Variants in UNC13C observed in about 807,000 individuals in gnomAD.
UNC13C encodes the protein protein unc-13 homolog C.
A neutral mutation model predicts 245.4 loss-of-function variants in UNC13C; 174 were observed. That is an observed-to-expected ratio of 0.71 (90% CI 0.63 to 0.80). The LOEUF (loss-of-function observed/expected upper bound fraction) is 0.80, where lower values mean the gene tolerates loss of function less well. Ranked by LOEUF, UNC13C falls within the 30% of genes least tolerant of loss-of-function variation. The pLI is 0.00. For missense variants in UNC13C, 2,829 were observed against 2,602.9 expected, an observed-to-expected ratio of 1.09 and a Z score of -1.89; for synonymous variants, 992 against 895.1, an observed-to-expected ratio of 1.11 and a Z score of -1.93.
At chr15:54,320,162 G>A (rs772803772) in intron 13 of UNC13C, among the ~76,000 whole-genome samples, 2 of 151,880 alleles carry the variant, frequency 1.3e-5, no homozygotes, top group Non-Finnish European at 2.9e-5. Flanking sequence ...TTGAGAGGAG[G>A]GTGTCTTGCT....
intron 4 of UNC13C, among the ~76,000 whole-genome samples, chr15:54,210,301 T>G (rs4640123): frequency 0.57 from 84,899 of 149,888 alleles, 24,183 homozygotes; most frequent in Middle Eastern, 0.62. Context: ...TTATTTAGAG[T>G]TATTTCTATA....
At chr15:54,024,966 C>T (rs1896050263) in intron 2 of UNC13C, among the ~76,000 whole-genome samples, 1 of 152,094 alleles carries the variant, frequency 6.6e-6, no homozygotes, top group East Asian at 1.9e-4. Flanking sequence ...TTTTGCTAAC[C>T]ACTTCATTCA....
At chr15:54,266,745 A>T (rs1285510387) in intron 10 of UNC13C, among the ~76,000 whole-genome samples, 2 of 152,068 alleles carry the variant, frequency 1.3e-5, no homozygotes, top group Non-Finnish European at 2.9e-5. Flanking sequence ...AGACAAGATA[A>T]TGAACATATC....
Position 54,186,179 on chromosome 15 carries a change from A to G in UNC13C, c.3071+42495A>G, listed in dbSNP as rs183104345. On this transcript the variant is annotated intron_variant, in intron 4 of 32. Transcript: ENST00000260323. Reference sequence around the variant, plus strand: ...CTTAAGGAGATTTTGGGCTGAGACAATGGGGTTTTCTAGATATACAATCAT... The same window carrying G: ...CTTAAGGAGATTTTGGGCTGAGACAGTGGGGTTTTCTAGATATACAATCAT... Among the ~76,000 whole-genome samples the G allele has an allele frequency of 2.2e-4, 33 of 152,188 alleles. 2 individuals are homozygous for G. In the East Asian group the frequency reaches 6.2e-3, roughly 29 times the overall value.
the UNC13C span, among the ~76,000 whole-genome samples, chr15:53,919,491 G>T: frequency 6.6e-6 from 1 of 152,290 alleles, no homozygotes; most frequent in Non-Finnish European, 1.5e-5. Flanking sequence ...AATTCTTGGA[G>T]CTGCTCAGGT....
chr15:54,526,319 T>A (rs1266512717), intron 25 of UNC13C, among the ~76,000 whole-genome samples: 1 of 152,222 alleles, frequency 6.6e-6, no homozygotes, highest in Admixed American at 6.5e-5. Flanking sequence ...TTAAAATAGC[T>A]AGGAAAGAAA....
chr15:54,048,848 G>A (rs28406895), intron 2 of UNC13C: 3,703 of 249,172 alleles, frequency 0.015, 74 homozygotes, highest in African/African-American at 0.059. Context: ...TACTGAATTC[G>A]TTTGTATCCC....
intron 19 of UNC13C, among the ~76,000 whole-genome samples, chr15:54,469,146 A>C (rs1379270585): frequency 6.6e-6 from 1 of 151,276 alleles, no homozygotes; most frequent in African/African-American, 2.4e-5. Context: ...CAGATCTTTC[A>C]CCTCCTTAAC....
chr15:54,039,814 TC>T (rs1287319262), intron 2 of UNC13C, among the ~76,000 whole-genome samples: 1 of 151,846 alleles, frequency 6.6e-6, no homozygotes, highest in Non-Finnish European at 1.5e-5. Flanking sequence ...TACATGTCAC[TC>T]CCCCACCTTC....
At chr15:54,591,090 A>C (rs987742704) in intron 30 of UNC13C, among the ~76,000 whole-genome samples, 2 of 152,160 alleles carry the variant, frequency 1.3e-5, no homozygotes, top group Non-Finnish European at 2.9e-5. Flanking sequence ...GTCATGTATC[A>C]CATTTTTTGA....
chr15:54,148,556 T>A (rs991509190), intron 4 of UNC13C, among the ~76,000 whole-genome samples: 2 of 152,192 alleles, frequency 1.3e-5, no homozygotes, highest in Non-Finnish European at 2.9e-5. Flanking sequence ...ACTTCCATGT[T>A]TAGCCAGGGC....
intron 2 of UNC13C, among the ~76,000 whole-genome samples, chr15:54,063,391 A>G (rs1409270684): frequency 6.6e-6 from 1 of 152,156 alleles, no homozygotes; most frequent in Non-Finnish European, 1.5e-5. Flanking sequence ...GAGCTTGGAC[A>G]GGGCACCAAG....
At chr15:54,390,242 A>G (rs191270241) in intron 17 of UNC13C, among the ~76,000 whole-genome samples, 5 of 152,312 alleles carry the variant, frequency 3.3e-5, no homozygotes, top group African/African-American at 1.2e-4. Context: ...GGCTCTTTCT[A>G]TATACTGATC....
chr15:53,966,695 C>T, the UNC13C span, among the ~76,000 whole-genome samples: 4 of 151,844 alleles, frequency 2.6e-5, no homozygotes, highest in African/African-American at 9.7e-5. Context: ...AGAGTATATC[C>T]TGGCATTGCT....
chr15:54,478,255 A>T (rs1431423330), intron 19 of UNC13C, among the ~76,000 whole-genome samples: 1 of 146,332 alleles, frequency 6.8e-6, no homozygotes, highest in Non-Finnish European at 1.5e-5. Context: ...CCTTTCAAAA[A>T]ACCAGCTCCT....
At chr15:54,128,066 A>G (rs939596311) in intron 2 of UNC13C, among the ~76,000 whole-genome samples, 1 of 152,090 alleles carries the variant, frequency 6.6e-6, no homozygotes, top group African/African-American at 2.4e-5. Context: ...AACTTTAATA[A>G]AGTCTCAGGA....
intron 10 of UNC13C, among the ~76,000 whole-genome samples, chr15:54,291,224 T>A (rs2140932550): frequency 6.6e-6 from 1 of 152,068 alleles, no homozygotes; most frequent in Non-Finnish European, 1.5e-5. Flanking sequence ...GAATTCTGAG[T>A]CAATGGGAGA....
intron 10 of UNC13C, among the ~76,000 whole-genome samples, chr15:54,265,753 G>A (rs75691230): frequency 1.9e-4 from 29 of 151,920 alleles, no homozygotes; most frequent in Non-Finnish European, 8.8e-5. Flanking sequence ...GGCTTTGCAG[G>A]AGATAAAAAA....
At chr15:53,915,382 G>A in the UNC13C span, among the ~76,000 whole-genome samples, 11 of 152,124 alleles carry the variant, frequency 7.2e-5, 1 homozygote, top group Middle Eastern at 6.3e-3. Flanking sequence ...TATAACAACC[G>A]GGCTGTAGAG....
Sources: gnomAD v4.1 joint callset for allele counts (sites outside exome capture counted in the v4.1 genomes callset) on GRCh38, gnomAD v4.1.1 for gene constraint, MANE v1.5 for transcripts, NCBI Gene and HGNC (gene_info 2026-07-23, HGNC 2026-07-21) for gene names.